Variants in STK32A observed in about 807,000 individuals in gnomAD.
STK32A encodes the protein serine/threonine-protein kinase 32A.
STK32A carries 41 observed loss-of-function variants against 53.2 expected under a neutral mutation model. That is an observed-to-expected ratio of 0.77 (90% CI 0.60 to 1.00). The LOEUF is 1.00. STK32A is among the 50% of genes least tolerant of loss of function. The pLI is 0.00. For synonymous variants in STK32A, 166 were observed against 162.8 expected (o/e 1.02, Z -0.15); for missense variants, 458 against 485.8 (o/e 0.94, Z 0.54).
At chr5:147,396,042 G>T in the STK32A span, among the ~76,000 whole-genome samples, 1 of 152,048 alleles carries the variant, frequency 6.6e-6, no homozygotes, top group African/African-American at 2.4e-5. Context: ...TGACAGAGAA[G>T]CCAGCAAAGA....
intron 7 of STK32A, among the ~76,000 whole-genome samples, chr5:147,361,121 T>A (rs947171926): frequency 6.6e-6 from 1 of 152,240 alleles, no homozygotes; most frequent in African/African-American, 2.4e-5. Flanking sequence ...TTCTGCACGT[T>A]GTCTGCGACT....
chr5:147,397,591 G>C, the STK32A span: 1 of 1,491,948 alleles, frequency 6.7e-7, no homozygotes, highest in Non-Finnish European at 9.2e-7. Context: ...AGTGCCCTGT[G>C]TTCATGGTTA....
chr5:147,275,886 G>A (rs1335125495), intron 2 of STK32A, among the ~76,000 whole-genome samples: 6 of 152,120 alleles, frequency 3.9e-5, no homozygotes, highest in Non-Finnish European at 7.3e-5. Flanking sequence ...TTTCAGTAAG[G>A]TTAAAATGGT....
At chr5:147,307,743 G>C (rs1753489154) in intron 4 of STK32A, among the ~76,000 whole-genome samples, 1 of 151,484 alleles carries the variant, frequency 6.6e-6, no homozygotes, top group East Asian at 1.9e-4. Context: ...CTAGGATCAA[G>C]TTTTATTTTG....
At chr5:147,344,943 T>A (rs757620217) in intron 6 of STK32A, among the ~76,000 whole-genome samples, 6 of 152,220 alleles carry the variant, frequency 3.9e-5, no homozygotes, top group Non-Finnish European at 5.9e-5. Context: ...CATTAAGGCA[T>A]CCTATTCTCC....
Position 147,273,530 on chromosome 5 carries a change from A to C in STK32A, c.53-4594A>C, listed in dbSNP as rs1217893095. On this transcript the variant is annotated intron_variant, in intron 2 of 12. Transcript: ENST00000397936. ...ATACTGGGTATGGCTTTGCAAAAAC[A>C]TTCAACCAGTTATCCACATAGTTGG... 3.9e-5 allele frequency among the ~76,000 whole-genome samples: 6 copies of C among 152,376 alleles called. No homozygotes were observed. The East Asian group carries it at 1.2e-3, about 29-fold the overall frequency.
intron 3 of STK32A, 29 bp downstream of exon 3, chr5:147,278,208 C>A: frequency 1.9e-6 from 3 of 1,571,084 alleles, no homozygotes; most frequent in Non-Finnish European, 2.6e-6. Flanking sequence ...GATTAACCAC[C>A]AGCAGGGTTA....
chr5:147,401,493 A>G, the STK32A span: 8 of 1,562,792 alleles, frequency 5.1e-6, no homozygotes, highest in East Asian at 1.8e-4. Context: ...GCTGGACTCA[A>G]GAGATGTTTT....
intron 4 of STK32A, among the ~76,000 whole-genome samples, chr5:147,301,813 T>C (rs1179264046): frequency 2.6e-5 from 4 of 152,168 alleles, no homozygotes; most frequent in African/African-American, 9.7e-5. Flanking sequence ...ACCAGGGCTG[T>C]GTTTCTTCCA....
chr5:147,353,820 A>C (rs1040783233), intron 7 of STK32A, among the ~76,000 whole-genome samples: 5 of 152,166 alleles, frequency 3.3e-5, no homozygotes, highest in African/African-American at 4.8e-5. Flanking sequence ...CTAATTAGTT[A>C]AGATGCTTAA....
intron 2 of STK32A, among the ~76,000 whole-genome samples, chr5:147,256,613 G>A (rs1754248154): frequency 6.6e-6 from 1 of 152,154 alleles, no homozygotes; most frequent in African/African-American, 2.4e-5. Context: ...CCAGGTTCAA[G>A]CAATTCTCCT....
intron 2 of STK32A, among the ~76,000 whole-genome samples, chr5:147,252,019 A>G (rs1242405020): frequency 4.6e-5 from 7 of 151,208 alleles, no homozygotes; most frequent in Non-Finnish European, 7.4e-5. Context: ...CCTGGGCAAC[A>G]TGGTGAGACT....
At chr5:147,350,212 A>G (rs1315094600) in intron 6 of STK32A, among the ~76,000 whole-genome samples, 2 of 137,136 alleles carry the variant, frequency 1.5e-5, no homozygotes, top group East Asian at 4.7e-4. Flanking sequence ...TTTGCTGGGA[A>G]CTGATGAGGC....
At chr5:147,367,200 G>A (rs767099202) in intron 8 of STK32A, among the ~76,000 whole-genome samples, 6 of 151,714 alleles carry the variant, frequency 4.0e-5, no homozygotes, top group Non-Finnish European at 8.8e-5. Context: ...CAAGTAGCTG[G>A]GACTACAGGC....
At position 147,289,061 on chromosome 5, in the gene STK32A, C is replaced by T. The variant is rs112992653; in HGVS notation, c.260+9663C>T. 3.0e-3 allele frequency among the ~76,000 whole-genome samples: 454 copies of T among 152,216 alleles called. 4 individuals carry two copies. The highest frequency in any genetic ancestry group is 4.8e-3 in the Non-Finnish European group (326 of 68,006). On this transcript the variant is annotated intron_variant, in intron 4 of 12. Transcript: ENST00000397936. Reference sequence around the variant, plus strand: ...CATTGTGGACATCCAAAGGACAAATCTAAATGGTGCTTGGCCCCAGGACAT... The same window carrying T: ...CATTGTGGACATCCAAAGGACAAATTTAAATGGTGCTTGGCCCCAGGACAT...
rs1388457637 is a variant in STK32A, at chr5:147,361,753, C to T, written c.660+139C>T. 4 of 664,266 alleles carry T rather than the reference C, an allele frequency of 6.0e-6. No individual in the cohort carries two copies. The East Asian group carries it at 8.3e-5, about 14-fold the overall frequency. The allele number at this position is 664,266 out of a possible 1,614,324, so 41.1% of individuals were successfully genotyped here. ...ATGCCATGTGATGTTGATAACACCCCTTGAGATTTCTGCATAGGTTAATTC... is the reference window on the plus strand; with the variant it reads ...ATGCCATGTGATGTTGATAACACCCTTTGAGATTTCTGCATAGGTTAATTC... On this transcript the variant is annotated intron_variant, in intron 8 of 12. Coordinates refer to ENST00000397936, the MANE Select transcript of STK32A (RefSeq NM_001112724.2).
chr5:147,376,145 C>A (rs1463097978), intron 11 of STK32A, among the ~76,000 whole-genome samples: 1 of 152,118 alleles, frequency 6.6e-6, no homozygotes, highest in Non-Finnish European at 1.5e-5. Flanking sequence ...AAATAAGTAT[C>A]CTCCATCTCC....
At chr5:147,282,779 C>T (rs1339065661) in intron 4 of STK32A, among the ~76,000 whole-genome samples, 1 of 152,110 alleles carries the variant, frequency 6.6e-6, no homozygotes, top group Admixed American at 6.6e-5. Flanking sequence ...AACACTGGAG[C>T]TCCCAAATTT....
intron 11 of STK32A, among the ~76,000 whole-genome samples, chr5:147,377,586 A>G (rs1446856734): frequency 6.6e-6 from 1 of 151,738 alleles, no homozygotes; most frequent in Non-Finnish European, 1.5e-5. Context: ...CTATTTTTTG[A>G]TTGTTGAAGG....
Sources: allele counts gnomAD v4.1 joint callset (sites outside exome capture counted in the v4.1 genomes callset), GRCh38; gene constraint gnomAD v4.1.1; transcripts MANE v1.5; gene names NCBI Gene and HGNC (gene_info 2026-07-23, HGNC 2026-07-21).